Variants in ROBO2 observed in about 807,000 individuals in gnomAD.
ROBO2 encodes the protein roundabout homolog 2.
Under a neutral mutation model 160.8 loss-of-function variants are expected in ROBO2, and 53 were observed. The observed-to-expected ratio is 0.33, with a 90% CI of 0.26 to 0.41. ROBO2 has a LOEUF of 0.41. ROBO2 is among the 10% of genes least tolerant of loss of function. ROBO2 has a pLI of 1.00. For missense variants in ROBO2, 1,577 were observed against 1,722.4 expected (o/e 0.92, Z 1.49); for synonymous variants, 664 against 611.7 (o/e 1.09, Z -1.26).
chr3:76,528,154 C>T (rs1482652687), intron 2 of ROBO2, among the ~76,000 whole-genome samples: 2 of 152,070 alleles, frequency 1.3e-5, no homozygotes, highest in African/African-American at 4.8e-5. Context: ...ACTGACTGTC[C>T]AAGTCACTGG....
chr3:76,133,591 C>T (rs769005627), intron 2 of ROBO2, among the ~76,000 whole-genome samples: 18 of 152,126 alleles, frequency 1.2e-4, no homozygotes, highest in African/African-American at 3.4e-4. Context: ...GTAGGGAAGC[C>T]GACAGTGCAG....
intron 2 of ROBO2, among the ~76,000 whole-genome samples, chr3:76,098,979 A>G (rs541054021): frequency 6.6e-6 from 1 of 152,266 alleles, no homozygotes; most frequent in Admixed American, 6.5e-5. Flanking sequence ...GGGCAAGTCA[A>G]TGCAAAATGA....
At position 77,295,214 on chromosome 3, in the gene ROBO2, G is replaced by A. The variant is rs540902918; in HGVS notation, c.389-182200G>A. On this transcript the variant is annotated intron_variant, in intron 2 of 25. Transcript: ENST00000461745. ...CATAAAGTAAAATTGACGATTAAACGGTAAGCTGAGGCTAGATCACCAAAG... is the reference window on the plus strand; with the variant it reads ...CATAAAGTAAAATTGACGATTAAACAGTAAGCTGAGGCTAGATCACCAAAG... Among the ~76,000 whole-genome samples the A allele has an allele frequency of 3.3e-3, 487 of 148,416 alleles. 18 individuals carry two copies. The highest frequency in any genetic ancestry group is 0.012 in the African/African-American group (468 of 39,164).
intron 2 of ROBO2, among the ~76,000 whole-genome samples, chr3:76,120,310 T>C (rs1300801697): frequency 6.6e-6 from 1 of 152,104 alleles, no homozygotes. Flanking sequence ...AGGCTTTTCT[T>C]CTTTTAATGT....
At chr3:77,205,786 TTGAG>T (rs562884368) in intron 2 of ROBO2, among the ~76,000 whole-genome samples, 68 of 152,270 alleles carry the variant, frequency 4.5e-4, no homozygotes, top group Non-Finnish European at 9.0e-4. Flanking sequence ...GGAACTCACT[TTGAG>T]TGAAGATAAG....
At chr3:76,724,517 C>A (rs1478260263) in intron 2 of ROBO2, among the ~76,000 whole-genome samples, 1 of 152,168 alleles carries the variant, frequency 6.6e-6, no homozygotes, top group Non-Finnish European at 1.5e-5. Flanking sequence ...TCTATTCTCC[C>A]CAATAGCTAA....
At chr3:76,173,869 G>A (rs188488696) in intron 2 of ROBO2, among the ~76,000 whole-genome samples, 117 of 152,140 alleles carry the variant, frequency 7.7e-4, no homozygotes, top group South Asian at 1.9e-3. Flanking sequence ...ATTCCTTTGC[G>A]TATATACCCA....
chr3:75,957,350 C>T lies in ROBO2; in HGVS notation c.109+19748C>T, dbSNP rs1181227442. Among the ~76,000 whole-genome samples the T allele has an allele frequency of 2.6e-5, 4 of 151,142 alleles. No individual in the cohort carries two copies. In the Admixed American group the frequency reaches 2.6e-4, roughly 10 times the overall value. On this transcript the variant is annotated intron_variant, in intron 2 of 26. Transcript: ENST00000487694. ...AATAACCATATCAATTTATGAAACTCATTTTGAGAAAAAAAGGCCTAAAAT... is the reference window on the plus strand; with the variant it reads ...AATAACCATATCAATTTATGAAACTTATTTTGAGAAAAAAAGGCCTAAAAT...
chr3:76,067,940 T>A (rs2068314267), intron 2 of ROBO2, among the ~76,000 whole-genome samples: 1 of 152,190 alleles, frequency 6.6e-6, no homozygotes, highest in South Asian at 2.1e-4. Context: ...CGGGCGAAAA[T>A]TTGTGTTCTC....
chr3:77,562,167 G>A (rs1257068577), intron 9 of ROBO2, among the ~76,000 whole-genome samples: 1 of 152,082 alleles, frequency 6.6e-6, no homozygotes, highest in East Asian at 1.9e-4. Context: ...GAAAGAAAGT[G>A]TGATCCCTTA....
At chr3:76,321,581 T>G (rs2072532160) in intron 2 of ROBO2, among the ~76,000 whole-genome samples, 1 of 152,138 alleles carries the variant, frequency 6.6e-6, no homozygotes, top group African/African-American at 2.4e-5. Flanking sequence ...TTGACTAATG[T>G]TACATGGTAG....
At chr3:76,224,661 C>T (rs535978374) in intron 2 of ROBO2, among the ~76,000 whole-genome samples, 5 of 152,270 alleles carry the variant, frequency 3.3e-5, no homozygotes, top group South Asian at 4.1e-4. Context: ...AAATTAACCA[C>T]GACTTACCTA....
intron 2 of ROBO2, among the ~76,000 whole-genome samples, chr3:77,204,951 G>A (rs370003786): frequency 6.6e-6 from 1 of 152,186 alleles, no homozygotes; most frequent in Non-Finnish European, 1.5e-5. Context: ...CAGTTGCTGC[G>A]GCTGCTCAGA....
intron 2 of ROBO2, among the ~76,000 whole-genome samples, chr3:76,538,391 T>G (rs147978232): frequency 2.7e-3 from 413 of 152,298 alleles, no homozygotes; most frequent in African/African-American, 9.5e-3. Flanking sequence ...TGATCCAGAC[T>G]TATTTTTTCC....
chr3:77,631,480 C>G (rs1001316547), intron 23 of ROBO2: 4 of 152,000 alleles, frequency 2.6e-5, no homozygotes, highest in Admixed American at 6.6e-5. Flanking sequence ...TTTTTTGCCC[C>G]TCTTCTAACA....
At chr3:76,833,601 A>G (rs1295597722) in intron 2 of ROBO2, among the ~76,000 whole-genome samples, 1 of 152,230 alleles carries the variant, frequency 6.6e-6, no homozygotes, top group Non-Finnish European at 1.5e-5. Context: ...GAATGTATCA[A>G]ATATGAACTA....
intron 2 of ROBO2, among the ~76,000 whole-genome samples, chr3:76,155,129 T>C (rs1411614605): frequency 1.3e-5 from 2 of 152,182 alleles, no homozygotes; most frequent in African/African-American, 4.8e-5. Context: ...TCACAGGTAA[T>C]ACATTAAAAA....
chr3:76,836,592 A>G (rs1164257155), intron 2 of ROBO2, among the ~76,000 whole-genome samples: 2 of 151,846 alleles, frequency 1.3e-5, no homozygotes, highest in Middle Eastern at 3.4e-3. Context: ...TCCTTTAGAG[A>G]GTACAAATAC....
chr3:76,535,468 A>G (rs2082444844), intron 2 of ROBO2, among the ~76,000 whole-genome samples: 1 of 152,000 alleles, frequency 6.6e-6, no homozygotes, highest in African/African-American at 2.4e-5. Context: ...TTGTCAAGGA[A>G]GGAGTAGAGG....
Sources: allele counts gnomAD v4.1 joint callset (sites outside exome capture counted in the v4.1 genomes callset), GRCh38; gene constraint gnomAD v4.1.1; transcripts MANE v1.5; gene names NCBI Gene and HGNC (gene_info 2026-07-23, HGNC 2026-07-21).